FANCL: variants seen among roughly 807,000 people sequenced by gnomAD.
The protein encoded by FANCL is FA complementation group L, also known as E3 ubiquitin-protein ligase FANCL.
Under a neutral mutation model 59.4 loss-of-function variants are expected in FANCL, and 69 were observed. The ratio of observed to expected loss-of-function variants is 1.16; its 90% CI spans 0.96 to 1.42. The LOEUF (loss-of-function observed/expected upper bound fraction) is 1.42, where lower values mean the gene tolerates loss of function less well. Ranked by LOEUF, FANCL falls within the 40% of genes most tolerant of loss-of-function variation. The probability of loss-of-function intolerance (pLI) is 0.00; values close to 1 mark genes in which losing one functional copy is unlikely to be tolerated. For synonymous variants in FANCL, 180 were observed against 147.1 expected (o/e 1.22, Z -1.62); for missense variants, 519 against 447.2 (o/e 1.16, Z -1.45).
intron 7 of FANCL, among the ~76,000 whole-genome samples, chr2:58,198,331 AATAAC>A (rs1227156423): frequency 1.6e-4 from 24 of 152,198 alleles, no homozygotes; most frequent in East Asian, 3.8e-4. Flanking sequence ...AAAATAAATA[AATAAC>A]ATAACTATTT....
chr2:58,240,931 G>C (rs1694472857), intron 1 of FANCL, among the ~76,000 whole-genome samples: 1 of 152,216 alleles, frequency 6.6e-6, no homozygotes, highest in Non-Finnish European at 1.5e-5. Context: ...GCGGGACACT[G>C]AACGAAGAAG....
intron 7 of FANCL, among the ~76,000 whole-genome samples, chr2:58,190,987 T>C (rs999805120): frequency 6.6e-6 from 1 of 151,916 alleles, no homozygotes; most frequent in African/African-American, 2.4e-5. Flanking sequence ...GTATCTATCA[T>C]TTCTGTCTTC....
At chr2:58,234,682 T>C (rs1052309068) in intron 1 of FANCL, among the ~76,000 whole-genome samples, 1 of 152,026 alleles carries the variant, frequency 6.6e-6, no homozygotes, top group Non-Finnish European at 1.5e-5. Context: ...ACTCTTGAGA[T>C]ATATCTTAAT....
In FANCL at chr2:58,204,241, A is replaced by G. The variant is rs767038810; in HGVS notation, c.375-15T>C. 5.2e-5 allele frequency: 84 copies of G among 1,600,374 alleles called. No homozygotes were observed. The Admixed American group carries it at 1.4e-3, about 26-fold the overall frequency. ...CATACACAAGTCTGGTGAGCAGAGG[A>G]GAATAAAAAATGATCACACCGGGGA... On this transcript the variant is annotated splice_polypyrimidine_tract_variant and intron_variant, in intron 5 of 13. Coordinates refer to ENST00000233741, the MANE Select transcript of FANCL (RefSeq NM_018062.4).
chr2:58,198,065 A>G (rs1689611594), intron 7 of FANCL, among the ~76,000 whole-genome samples: 1 of 151,600 alleles, frequency 6.6e-6, no homozygotes, highest in East Asian at 1.9e-4. Flanking sequence ...GTGTGTATTT[A>G]TGCATGGGTG....
intron 11 of FANCL, among the ~76,000 whole-genome samples, chr2:58,162,162 A>AT (rs1289130768): frequency 6.6e-6 from 1 of 151,964 alleles, no homozygotes; most frequent in Non-Finnish European, 1.5e-5. Flanking sequence ...TTCTGTAACT[A>AT]AAGGAAAAAG....
chr2:58,225,032 G>A (rs1179326285), intron 4 of FANCL, among the ~76,000 whole-genome samples: 4 of 151,598 alleles, frequency 2.6e-5, no homozygotes, highest in Admixed American at 6.6e-5. Flanking sequence ...TTACAGTTAC[G>A]GAATAAAATG....
chr2:58,167,562 T>C lies in FANCL; in HGVS notation c.541-1688A>G, dbSNP rs541795075. 1.8e-4 allele frequency among the ~76,000 whole-genome samples: 28 copies of C among 152,342 alleles called. 1 individual carries two copies. In the East Asian group the frequency reaches 5.0e-3, roughly 27 times the overall value. ...TTATTTGAAGTTTTTTCCAATGGCA[T>C]TGTCCATTTCTCTTATGCACAACTG... On this transcript the variant is annotated intron_variant, in intron 7 of 13. Transcript: ENST00000233741.
At chr2:58,224,843 T>C (rs1233223646) in intron 4 of FANCL, among the ~76,000 whole-genome samples, 2 of 151,942 alleles carry the variant, frequency 1.3e-5, no homozygotes, top group Non-Finnish European at 2.9e-5. Context: ...ATAATGCCAA[T>C]TTGAATTGTA....
chr2:58,194,596 A>T (rs1006810279), intron 7 of FANCL, among the ~76,000 whole-genome samples: 2 of 152,114 alleles, frequency 1.3e-5, no homozygotes, highest in African/African-American at 4.8e-5. Flanking sequence ...CAGCAATAGT[A>T]GCAGCAGCCT....
At chr2:58,239,686 T>C (rs13023069) in intron 1 of FANCL, among the ~76,000 whole-genome samples, 5 of 152,212 alleles carry the variant, frequency 3.3e-5, no homozygotes, top group Non-Finnish European at 5.9e-5. Flanking sequence ...TCTTATGAAA[T>C]GTATGCTCAA....
At chr2:58,171,688 G>C (rs184660438) in intron 7 of FANCL, among the ~76,000 whole-genome samples, 2 of 152,170 alleles carry the variant, frequency 1.3e-5, no homozygotes, top group Non-Finnish European at 2.9e-5. Flanking sequence ...CGCAGAAGAC[G>C]GGTGATTTCT....
intron 5 of FANCL, among the ~76,000 whole-genome samples, chr2:58,211,069 G>C (rs1020311562): frequency 6.6e-6 from 1 of 152,200 alleles, no homozygotes; most frequent in Non-Finnish European, 1.5e-5. Flanking sequence ...TGCCTCAGTA[G>C]GGACTCTGTG....
At chr2:58,196,164 C>CA (rs1485991410) in intron 7 of FANCL, among the ~76,000 whole-genome samples, 2 of 151,738 alleles carry the variant, frequency 1.3e-5, no homozygotes, top group Non-Finnish European at 2.9e-5. Flanking sequence ...ACAAATATGG[C>CA]AAAAAGTATG....
chr2:58,179,614 CCTAAAACCA>C (rs1687719277), intron 7 of FANCL, among the ~76,000 whole-genome samples: 1 of 152,112 alleles, frequency 6.6e-6, no homozygotes, highest in African/African-American at 2.4e-5. Flanking sequence ...AAACATAAGA[CCTAAAACCA>C]TAAAAACCCT....
intron 6 of FANCL, among the ~76,000 whole-genome samples, chr2:58,199,355 A>C (rs550528947): frequency 1.8e-4 from 27 of 152,194 alleles, no homozygotes; most frequent in Non-Finnish European, 3.7e-4. Context: ...ATTTAATTTC[A>C]AATAGCATCA....
rs1205006300 is a variant in FANCL, at chr2:58,229,813, C to A, written c.216+1G>T. On this transcript the variant is annotated splice_donor_variant, in intron 3 of 13. Coordinates refer to ENST00000233741, the MANE Select transcript of FANCL (RefSeq NM_018062.4). LOFTEE classifies it high-confidence loss of function. ...ACATAAACCTTTTAAAAAGGACTTA[C>A]CTGTTGTACTATTCGATGGTATCCA... 1.9e-6 allele frequency: 3 copies of A among 1,604,178 alleles called. No individual in the cohort carries two copies. In the East Asian group the frequency reaches 6.7e-5, roughly 36 times the overall value.
chr2:58,232,695 A>G (rs1397437677), intron 1 of FANCL, among the ~76,000 whole-genome samples: 1 of 152,016 alleles, frequency 6.6e-6, no homozygotes, highest in African/African-American at 2.4e-5. Flanking sequence ...CATATTAACT[A>G]TATATTTGAA....
At chr2:58,185,332 G>T (rs572734402) in intron 7 of FANCL, among the ~76,000 whole-genome samples, 4 of 151,980 alleles carry the variant, frequency 2.6e-5, no homozygotes, top group African/African-American at 9.7e-5. Context: ...TTCCGTATAC[G>T]GGCTTGTCCA....
Sources: allele counts gnomAD v4.1 joint callset (sites outside exome capture counted in the v4.1 genomes callset), GRCh38; gene constraint gnomAD v4.1.1; transcripts MANE v1.5; gene names NCBI Gene and HGNC (gene_info 2026-07-23, HGNC 2026-07-21).